SLC44A5: variants seen among roughly 807,000 people sequenced by gnomAD.
SLC44A5 encodes the protein solute carrier family 44 member 5, also known as choline transporter-like protein 5.
Under a neutral mutation model 101.8 loss-of-function variants are expected in SLC44A5, and 57 were observed. The observed-to-expected ratio is 0.56, with a 90% CI of 0.45 to 0.70. SLC44A5 has a LOEUF of 0.70. Among genes scored for constraint, SLC44A5 ranks in the 30% least tolerant of loss-of-function variants. SLC44A5 has a pLI of 0.00. For synonymous variants in SLC44A5, 281 were observed against 290.9 expected, an observed-to-expected ratio of 0.97 and a Z score of 0.35; for missense variants, 737 against 853.1, an observed-to-expected ratio of 0.86 and a Z score of 1.70.
At chr1:75,567,806 T>G (rs1305653007) in intron 1 of SLC44A5, among the ~76,000 whole-genome samples, 2 of 152,214 alleles carry the variant, frequency 1.3e-5, no homozygotes, top group Non-Finnish European at 2.9e-5. Flanking sequence ...ATTTAAGCTT[T>G]TCAATTCCTG....
chr1:75,300,559 T>C, intron 5 of SLC44A5, 53 bp downstream of exon 5: 2 of 1,198,008 alleles, frequency 1.7e-6, no homozygotes, highest in Non-Finnish European at 1.2e-6. Flanking sequence ...TGACACTGAC[T>C]TAGTTATTCC....
At position 75,211,525 on chromosome 1, in the gene SLC44A5, C is replaced by A; in HGVS notation, c.1990G>T (p.Ala664Ser). 6.2e-7 allele frequency: 1 copy of A among 1,612,560 alleles called. No homozygotes were observed. ...LTVIFGSYLIAHGFFSVYAMC... is the reference protein window; with the variant it reads ...LTVIFGSYLISHGFFSVYAMC... Reference sequence around the variant, plus strand: ...GCATAGACGCTGAAGAACCCATGTGCAATCAGGTAAGACCCAAAAATGACT... The same window carrying A: ...GCATAGACGCTGAAGAACCCATGTGAAATCAGGTAAGACCCAAAAATGACT... Residue 664 changes from alanine to serine, a missense_variant, in exon 23 of 24, where the codon GCA becomes TCA. Around this residue, in one of 3 missense-constraint regions of SLC44A5, gnomAD observed 11 missense variants for 32.2 expected, o/e 0.34. Transcript: ENST00000370859.
chr1:75,217,298 A>G (rs1646982028), intron 18 of SLC44A5, among the ~76,000 whole-genome samples: 1 of 152,024 alleles, frequency 6.6e-6, no homozygotes, highest in Non-Finnish European at 1.5e-5. Context: ...TTATGCTAGT[A>G]CCACACTCTT....
chr1:75,363,033 G>A (rs564311015), intron 3 of SLC44A5, among the ~76,000 whole-genome samples: 85 of 151,970 alleles, frequency 5.6e-4, no homozygotes, highest in African/African-American at 1.6e-3. Flanking sequence ...ATATCCTCTC[G>A]ATAAATTGGC....
the SLC44A5 span, chr1:75,642,019 A>G: frequency 6.9e-7 from 1 of 1,446,996 alleles, no homozygotes; most frequent in South Asian, 1.2e-5. Flanking sequence ...GGTGGAAGAA[A>G]TGTTGATAAT....
chr1:75,674,381 A>G, the SLC44A5 span, among the ~76,000 whole-genome samples: 1 of 148,926 alleles, frequency 6.7e-6, no homozygotes, highest in Admixed American at 6.6e-5. Context: ...AAAAGAAAAA[A>G]GGATTTTTTT....
intron 3 of SLC44A5, among the ~76,000 whole-genome samples, chr1:75,365,330 C>T (rs940433983): frequency 4.6e-5 from 7 of 152,146 alleles, no homozygotes; most frequent in Admixed American, 4.6e-4. Context: ...CAACCCTCTG[C>T]CCTCTGGTAG....
At chr1:75,219,921 A>C in intron 14 of SLC44A5, 29 bp from the exon 15 acceptor site, 1 of 1,456,386 alleles carries the variant, frequency 6.9e-7, no homozygotes, top group Non-Finnish European at 9.5e-7. Flanking sequence ...TTGAAATTCA[A>C]TTGTTAAAAC....
intron 5 of SLC44A5, among the ~76,000 whole-genome samples, chr1:75,294,856 G>C (rs1012827539): frequency 6.6e-6 from 1 of 152,086 alleles, no homozygotes; most frequent in East Asian, 1.9e-4. Flanking sequence ...AGAGCAGAAC[G>C]GTAGGTGCCA....
At chr1:75,354,244 G>A (rs139959683) in intron 3 of SLC44A5, among the ~76,000 whole-genome samples, 1 of 152,282 alleles carries the variant, frequency 6.6e-6, no homozygotes, top group East Asian at 1.9e-4. Flanking sequence ...CTGTGTGCAG[G>A]TGGGTGTTCT....
At chr1:75,648,767 G>GA in the SLC44A5 span, among the ~76,000 whole-genome samples, 11 of 149,538 alleles carry the variant, frequency 7.4e-5, no homozygotes, top group East Asian at 2.0e-4. Context: ...ACTTTGATGG[G>GA]AAAAAAAAGG....
rs186609004 is a variant in SLC44A5 at position 75,602,557 on chromosome 1, A to G, written c.-70+8483T>C. On this transcript the variant is annotated intron_variant, in intron 1 of 23. Coordinates refer to ENST00000370859, the MANE Select transcript of SLC44A5 (RefSeq NM_001130058.2). Reference sequence around the variant, plus strand: ...CTATTTATGATTAAACATTTTTTAAAGAGCAATAATGGTCCTCCTTTAGTC... The same window carrying G: ...CTATTTATGATTAAACATTTTTTAAGGAGCAATAATGGTCCTCCTTTAGTC... Among the ~76,000 whole-genome samples, 110 of 152,250 alleles carry G rather than the reference A, an allele frequency of 7.2e-4. 1 individual carries two copies. The East Asian group carries it at 0.02, about 28-fold the overall frequency.
At chr1:75,643,076 T>TG in the SLC44A5 span, among the ~76,000 whole-genome samples, 1 of 152,146 alleles carries the variant, frequency 6.6e-6, no homozygotes, top group African/African-American at 2.4e-5. Context: ...TATACTGATT[T>TG]TTACTTCCAT....
chr1:75,304,436 C>T (rs962921148), intron 4 of SLC44A5, among the ~76,000 whole-genome samples: 2 of 151,906 alleles, frequency 1.3e-5, no homozygotes, highest in African/African-American at 2.4e-5. Flanking sequence ...AGAAAGTTAC[C>T]GGAAAATTGA....
At chr1:75,678,816 G>A in the SLC44A5 span, among the ~76,000 whole-genome samples, 2 of 152,146 alleles carry the variant, frequency 1.3e-5, no homozygotes, top group Admixed American at 1.3e-4. Context: ...ATTACCCTGA[G>A]CTATGGGAGG....
intron 2 of SLC44A5, among the ~76,000 whole-genome samples, chr1:75,518,878 C>G (rs964376599): frequency 1.1e-4 from 17 of 152,064 alleles, no homozygotes; most frequent in Admixed American, 1.1e-3. Flanking sequence ...TGAATGCTAA[C>G]GAGATTTCTT....
chr1:75,207,528 A>T (rs369530160), intron 23 of SLC44A5, among the ~76,000 whole-genome samples: 13 of 152,164 alleles, frequency 8.5e-5, no homozygotes, highest in East Asian at 3.9e-4. Flanking sequence ...AGATATATAC[A>T]ATTCACAGCA....
At chr1:75,525,034 A>G (rs1256864718) in intron 2 of SLC44A5, among the ~76,000 whole-genome samples, 1 of 152,142 alleles carries the variant, frequency 6.6e-6, no homozygotes, top group Non-Finnish European at 1.5e-5. Flanking sequence ...TCACAGAACA[A>G]TGTCAGCTAC....
intron 2 of SLC44A5, among the ~76,000 whole-genome samples, chr1:75,407,913 C>T (rs1055954639): frequency 2.6e-4 from 40 of 152,108 alleles, no homozygotes; most frequent in Middle Eastern, 3.2e-3. Flanking sequence ...CTATCATCAG[C>T]GTGAACACAC....
Sources: allele counts gnomAD v4.1 joint callset (sites outside exome capture counted in the v4.1 genomes callset), GRCh38; gene constraint gnomAD v4.1.1; regional missense constraint gnomAD v4.1.1; transcripts MANE v1.5; gene names NCBI Gene and HGNC (gene_info 2026-07-23, HGNC 2026-07-21).